Variants in SP4 observed in about 807,000 individuals in gnomAD.
SP4 encodes the protein Sp4 transcription factor, also known as transcription factor Sp4.
Under a neutral mutation model 72.8 loss-of-function variants are expected in SP4, and 19 were observed. The ratio of observed to expected loss-of-function variants is 0.26; its 90% CI spans 0.18 to 0.38. The LOEUF (loss-of-function observed/expected upper bound fraction) is 0.38. SP4 is among the 10% of genes least tolerant of loss of function. The pLI, the probability that SP4 is intolerant of heterozygous loss-of-function variation, is 1.00. For missense variants in SP4, 1,008 were observed against 926.3 expected (o/e 1.09, Z -1.14); for synonymous variants, 395 against 333.1 (o/e 1.19, Z -2.02).
At chr7:21,438,082 A>C (rs918140993) in intron 3 of SP4, among the ~76,000 whole-genome samples, 2 of 151,954 alleles carry the variant, frequency 1.3e-5, no homozygotes, top group Non-Finnish European at 2.9e-5. Flanking sequence ...ACACAAAGAC[A>C]GACTAGAGTT....
intron 5 of SP4, among the ~76,000 whole-genome samples, chr7:21,501,250 C>T (rs1055248673): frequency 1.3e-5 from 2 of 152,124 alleles, no homozygotes; most frequent in African/African-American, 4.8e-5. Context: ...GGTGCGTGAG[C>T]CGTGCAGTTT....
intron 3 of SP4, among the ~76,000 whole-genome samples, chr7:21,440,805 G>A (rs1346043289): frequency 3.9e-5 from 6 of 152,132 alleles, no homozygotes; most frequent in East Asian, 1.9e-4. Context: ...AGCTGAGATC[G>A]TGCCACTGCA....
chr7:21,468,699 G>A (rs919312346), intron 3 of SP4, among the ~76,000 whole-genome samples: 11 of 151,650 alleles, frequency 7.3e-5, no homozygotes, highest in Non-Finnish European at 1.5e-4. Context: ...TGACAGTTTC[G>A]TTACTTCCTT....
At chr7:21,471,521 C>A (rs556903444) in intron 3 of SP4, among the ~76,000 whole-genome samples, 5 of 152,246 alleles carry the variant, frequency 3.3e-5, no homozygotes, top group African/African-American at 1.2e-4. Context: ...CCCCTGAGAA[C>A]CTTAGTTTTC....
chr7:21,430,865 A>C (rs1288742486), intron 3 of SP4, 22 bp downstream of exon 3: 5 of 1,520,170 alleles, frequency 3.3e-6, no homozygotes, highest in Non-Finnish European at 4.5e-6. Flanking sequence ...CATCTTTTTA[A>C]GTACCTTTTA....
intron 3 of SP4, among the ~76,000 whole-genome samples, chr7:21,434,056 C>T (rs1291435984): frequency 2.0e-5 from 3 of 152,152 alleles, no homozygotes; most frequent in South Asian, 2.1e-4. Context: ...TATAAATGAG[C>T]CCTGAAAGTT....
chr7:21,428,129 C>A lies in SP4; in HGVS notation c.-123C>A. On this transcript the variant is annotated 5_prime_UTR_variant, in exon 1 of 6. Transcript: ENST00000222584. ...GCGGAAAAAGAGGCAGAGCCTGTGC[C>A]AGCTACAGCCTCCTCCGAGCCACCG... 1 of 714,274 alleles carries A rather than the reference C, an allele frequency of 1.4e-6. No individual in the cohort carries two copies. Among genetic ancestry groups the A allele is most frequent in the Non-Finnish European group, 2.6e-6 (1 of 384,252 alleles). The allele number at this position is 714,274 out of a possible 1,614,324, so 44.2% of individuals were successfully genotyped here.
At chr7:21,500,233 A>T (rs1424618570) in intron 5 of SP4, among the ~76,000 whole-genome samples, 4 of 152,160 alleles carry the variant, frequency 2.6e-5, no homozygotes, top group Admixed American at 1.3e-4. Flanking sequence ...TTCTTGACGT[A>T]CTTTGGATAT....
chr7:21,473,318 CAAG>C (rs769702847), intron 3 of SP4, among the ~76,000 whole-genome samples: 3 of 152,094 alleles, frequency 2.0e-5, no homozygotes, highest in Non-Finnish European at 4.4e-5. Flanking sequence ...GTGTGGATAA[CAAG>C]GAGAATAGGG....
intron 3 of SP4, among the ~76,000 whole-genome samples, chr7:21,456,414 C>T (rs1783766454): frequency 6.6e-6 from 1 of 152,184 alleles, no homozygotes; most frequent in African/African-American, 2.4e-5. Context: ...AATGTGCCAA[C>T]AGACAGGAAG....
chr7:21,469,000 A>AT (rs1413156740), intron 3 of SP4, among the ~76,000 whole-genome samples: 3 of 152,170 alleles, frequency 2.0e-5, no homozygotes, highest in African/African-American at 4.8e-5. Context: ...CAAATGTTTC[A>AT]TGTCCTTTGA....
Position 21,513,740 on chromosome 7 carries a change from A to C in SP4, c.*2471A>C, listed in dbSNP as rs1383660673. The C allele has an allele frequency of 6.6e-6, 1 of 152,152 alleles. No individual in the cohort carries two copies. The highest frequency in any genetic ancestry group is 1.5e-5 in the Non-Finnish European group (1 of 67,994). The allele number at this position is 152,152 out of a possible 1,614,324, so 9.4% of individuals were successfully genotyped here. On this transcript the variant is annotated 3_prime_UTR_variant, in exon 6 of 6. Transcript: ENST00000222584. Reference sequence around the variant, plus strand: ...TGTATGTCCATTAGAAATGGAAGTTATTTTTTAATCAACAATGAGGCCTAT... The same window carrying C: ...TGTATGTCCATTAGAAATGGAAGTTCTTTTTTAATCAACAATGAGGCCTAT...
chr7:21,475,710 T>C (rs1261402246), intron 3 of SP4, among the ~76,000 whole-genome samples: 3 of 152,122 alleles, frequency 2.0e-5, no homozygotes, highest in Non-Finnish European at 4.4e-5. Context: ...TGATCTGACA[T>C]CTCAGCCTCC....
intron 3 of SP4, among the ~76,000 whole-genome samples, chr7:21,451,257 A>G (rs1783591350): frequency 6.6e-6 from 1 of 152,198 alleles, no homozygotes. Context: ...CTTATCAGGA[A>G]GCTGCTGATT....
At chr7:21,451,359 T>A (rs2128398678) in intron 3 of SP4, among the ~76,000 whole-genome samples, 1 of 152,322 alleles carries the variant, frequency 6.6e-6, no homozygotes, top group Middle Eastern at 3.4e-3. Context: ...GTTTAACAAC[T>A]GCCTGACCAC....
Position 21,429,725 on chromosome 7 carries a change from C to T in SP4, c.560C>T (p.Ser187Leu), listed in dbSNP as rs1413201879. The T allele has an allele frequency of 1.9e-6, 3 of 1,614,042 alleles. No individual in the cohort carries two copies. The African/African-American group carries it at 4.0e-5, about 22-fold the overall frequency. Residue 187 changes from serine to leucine, a missense_variant, in exon 3 of 6, where the codon TCA becomes TTA. Coordinates refer to ENST00000222584, the MANE Select transcript of SP4 (RefSeq NM_003112.5). ...QQIQINPTSS[S>L]SLQDLQGQIQ... Reference sequence around the variant, plus strand: ...ATTCAAATCAATCCAACTAGTAGTTCATCTCTACAGGATTTGCAGGGTCAA... The same window carrying T: ...ATTCAAATCAATCCAACTAGTAGTTTATCTCTACAGGATTTGCAGGGTCAA...
At chr7:21,434,635 G>A (rs1273985007) in intron 3 of SP4, among the ~76,000 whole-genome samples, 2 of 151,990 alleles carry the variant, frequency 1.3e-5, no homozygotes, top group Admixed American at 6.6e-5. Context: ...AGATTTAGGG[G>A]GTACAAGTGC....
intron 4 of SP4, among the ~76,000 whole-genome samples, chr7:21,478,500 G>A (rs1172547005): frequency 9.1e-6 from 1 of 109,294 alleles, no homozygotes. Flanking sequence ...AGGGTATGAA[G>A]GTTCCAGTCT....
rs369046766 is a variant in SP4, at chr7:21,446,919, TAAA to T, written c.1678+16077_1678+16079del. ...TATTGACTCTAACGCTATTCTCCAT[TAAA>T]GAAGTTTAGTCTCTAGGTTTAAGTC... On this transcript the variant is annotated intron_variant, in intron 3 of 5. Coordinates refer to ENST00000222584, the MANE Select transcript of SP4 (RefSeq NM_003112.5). 9.7e-3 allele frequency among the ~76,000 whole-genome samples: 1,484 copies of T among 152,242 alleles called. 29 individuals carry two copies. The highest frequency in any genetic ancestry group is 0.034 in the African/African-American group (1,393 of 41,512).
Sources: allele counts gnomAD v4.1 joint callset (sites outside exome capture counted in the v4.1 genomes callset), GRCh38; gene constraint gnomAD v4.1.1; transcripts MANE v1.5; gene names NCBI Gene and HGNC (gene_info 2026-07-23, HGNC 2026-07-21).